The following POLM variants were observed in gnomAD, a reference collection of about 807,000 sequenced individuals.
The protein encoded by POLM is DNA polymerase mu.
POLM carries 52 observed loss-of-function variants against 56.7 expected under a neutral mutation model. The ratio of observed to expected loss-of-function variants is 0.92; its 90% CI spans 0.73 to 1.15. POLM has a LOEUF of 1.15. POLM is among the 50% of genes most tolerant of loss of function. The probability of loss-of-function intolerance (pLI) is 0.00; values close to 1 mark genes in which losing one functional copy is unlikely to be tolerated. For missense variants in POLM, 660 were observed against 663.6 expected (o/e 0.99, Z 0.06); for synonymous variants, 273 against 274.3 (o/e 1.00, Z 0.05).
intron 7 of POLM, 80 bp from the exon 8 acceptor site, chr7:44,074,313 G>A (rs1251488098): frequency 5.8e-6 from 9 of 1,542,946 alleles, no homozygotes; most frequent in Non-Finnish European, 7.9e-6. Context: ...CCAACGAGTG[G>A]GCCCGCTTCA....
At chr7:44,077,616 T>TC (rs2128801864) in intron 5 of POLM, among the ~76,000 whole-genome samples, 1 of 152,264 alleles carries the variant, frequency 6.6e-6, no homozygotes, top group African/African-American at 2.4e-5. Context: ...TCACACCACT[T>TC]CAAGGGGATT....
In POLM at chr7:44,073,373, G is replaced by A. The variant is rs1360997907; in HGVS notation, c.1403C>T (p.Thr468Ile). The A allele has an allele frequency of 3.7e-6, 6 of 1,613,896 alleles. No homozygotes were observed. The East Asian group carries it at 1.3e-4, about 36-fold the overall frequency. ...SHGLFDPEQK[T>I]FFQAASEEDI... is the part of the protein sequence containing the mutation. ...TTCCTCTGAAGCCGCTTGGAAAAAT[G>A]TCTTCTGCAACAGAAGCAGGACTTC... Residue 468 changes from threonine (T) to isoleucine (I), a missense_variant, in exon 11 of 11, where the codon ACA (threonine) becomes ATA (isoleucine). By Grantham distance (89) the Thr-to-Ile change is moderately conservative. Transcript: ENST00000242248.
rs1344887038 is a variant in POLM at position 44,073,998 on chromosome 7, G to T, written c.1099C>A (p.His367Asn). Residue 367 changes from histidine (H) to asparagine (N), a missense_variant, in exon 9 of 11, where the codon CAC becomes AAC. Coordinates refer to ENST00000242248, the MANE Select transcript of POLM (RefSeq NM_013284.4). ...CGGGTAGGGGACTCACAGCAGCTGTGCTGGTGCTGGTGGTACAGGATGAGG... is the reference window on the plus strand; with the variant it reads ...CGGGTAGGGGACTCACAGCAGCTGTTCTGGTGCTGGTGGTACAGGATGAGG... ...QGLILYHQHQHSCCESPTRLA... is the reference protein window; with the variant it reads ...QGLILYHQHQNSCCESPTRLA... 2 of 1,613,994 alleles carry T rather than the reference G, an allele frequency of 1.2e-6. No homozygotes were observed. Among genetic ancestry groups the T allele is most frequent in the Admixed American group, 3.3e-5 (2 of 60,012 alleles).
At chr7:44,079,478 C>A in intron 4 of POLM, 93 bp downstream of exon 4, 1 of 1,244,388 alleles carries the variant, frequency 8.0e-7, no homozygotes, top group Non-Finnish European at 1.1e-6. Flanking sequence ...GACTGTCTGT[C>A]CTCACCCACC....
At chr7:44,081,870 C>G (rs373670983) in intron 1 of POLM, among the ~76,000 whole-genome samples, 1 of 151,926 alleles carries the variant, frequency 6.6e-6, no homozygotes, top group African/African-American at 2.4e-5. Context: ...CTCAGCCTCC[C>G]GAGTAGCTGG....
At chr7:44,075,867 T>C (rs981215289) in intron 6 of POLM, 2 of 152,116 alleles carry the variant, frequency 1.3e-5, no homozygotes, top group African/African-American at 4.8e-5. Context: ...GCCTCATGAG[T>C]AGCTGGTACT....
At position 44,073,993 on chromosome 7, in the gene POLM, G is replaced by C; in HGVS notation, c.1104C>G (p.Ser368Arg). The change falls in exon 9 of 11, where the codon AGC (serine) becomes AGG (arginine). Residue 368 changes from serine to arginine, a missense_variant. Coordinates refer to ENST00000242248, the MANE Select transcript of POLM (RefSeq NM_013284.4). ...CCAGGCGGGTAGGGGACTCACAGCA[G>C]CTGTGCTGGTGCTGGTGGTACAGGA... ...GLILYHQHQH[S>R]CCESPTRLAQ... is the part of the protein sequence containing the mutation. 6.2e-7 allele frequency: 1 copy of C among 1,614,108 alleles called. No homozygotes were observed. Among genetic ancestry groups the C allele is most frequent in the Non-Finnish European group, 8.5e-7 (1 of 1,179,966 alleles).
intron 6 of POLM, 93 bp downstream of exon 6, chr7:44,076,415 AC>A: frequency 6.5e-7 from 1 of 1,531,506 alleles, no homozygotes; most frequent in South Asian, 1.2e-5. Context: ...AACCCTCTGC[AC>A]CAGACTGCTC....
chr7:44,080,341 G>C, intron 2 of POLM: 1 of 541,500 alleles, frequency 1.8e-6, no homozygotes, highest in Non-Finnish European at 3.5e-6. Flanking sequence ...TTTGAAGGCA[G>C]GCAACCTGGC....
intron 6 of POLM, among the ~76,000 whole-genome samples, chr7:44,075,357 G>T (rs1177267144): frequency 6.6e-6 from 1 of 152,228 alleles, no homozygotes; most frequent in African/African-American, 2.4e-5. Context: ...CCCAGCTAAG[G>T]AGAGGTTTAA....
chr7:44,076,741 G>C, intron 5 of POLM, 112 bp from the exon 6 acceptor site: 1 of 1,357,858 alleles, frequency 7.4e-7, no homozygotes. Context: ...GGCAGGCGCC[G>C]TCCCCACTCG....
chr7:44,081,413 C>G (rs977236398), intron 1 of POLM, among the ~76,000 whole-genome samples: 2 of 152,244 alleles, frequency 1.3e-5, no homozygotes, highest in Non-Finnish European at 2.9e-5. Context: ...ACACTCTAAG[C>G]TGCTATCATC....
At chr7:44,076,706 G>A in intron 5 of POLM, 77 bp from the exon 6 acceptor site, 1 of 1,571,082 alleles carries the variant, frequency 6.4e-7, no homozygotes, top group South Asian at 1.1e-5. Flanking sequence ...CCGGGACGGT[G>A]TGGCCCATGG....
chr7:44,078,793 C>T lies in POLM; in HGVS notation c.661G>A (p.Val221Met), dbSNP rs1289348251. The change falls in exon 5 of 11, where the codon GTG becomes ATG. Residue 221 changes from valine to methionine, a missense_variant. Coordinates refer to ENST00000242248, the MANE Select transcript of POLM (RefSeq NM_013284.4). ...CGAACTCTCTCCACCTCCTCACACACTCCATGCTCCAGCAGCTCCTGGGGG... is the reference window on the plus strand; with the variant it reads ...CGAACTCTCTCCACCTCCTCACACATTCCATGCTCCAGCAGCTCCTGGGGG... ...RVVQELLEHGVCEEVERVRRS... is the reference protein window; with the variant it reads ...RVVQELLEHGMCEEVERVRRS... 5.6e-6 allele frequency: 9 copies of T among 1,613,858 alleles called. No individual in the cohort carries two copies. Among genetic ancestry groups the T allele is most frequent in the African/African-American group, 5.3e-5 (4 of 74,938 alleles).
intron 6 of POLM, 146 bp downstream of exon 6, chr7:44,076,363 G>T: frequency 1.1e-6 from 1 of 922,868 alleles, no homozygotes; most frequent in Non-Finnish European, 1.6e-6. Flanking sequence ...TGACTGCACT[G>T]GGTGGAGACC....
rs758258974 is a variant in POLM at position 44,079,619 on chromosome 7, C to T, written c.594G>A (p.Gln198=). The change falls in exon 4 of 11, where the codon CAG becomes CAA. Residue 198 remains glutamine, a synonymous_variant. Transcript: ENST00000242248. ...CTCCAAAGTGGGGAAGCCCCTGCAG[C>T]TGGCTCAGGGTTGTGACAGGGCTGG... The part of the protein sequence containing the change: ...ALPSPVTTLS[Q]LQGLPHFGEH... The T allele has an allele frequency of 6.2e-7, 1 of 1,613,940 alleles. No homozygotes were observed. Among genetic ancestry groups the T allele is most frequent in the Non-Finnish European group, 8.5e-7 (1 of 1,180,002 alleles).
chr7:44,077,372 G>A (rs1240559913), intron 5 of POLM, among the ~76,000 whole-genome samples: 1 of 152,250 alleles, frequency 6.6e-6, no homozygotes, highest in African/African-American at 2.4e-5. Context: ...TTGTCCTGCA[G>A]ACCGGCCACA....
At position 44,073,826 on chromosome 7, in the gene POLM, A is replaced by G. The variant is rs1158767736; in HGVS notation, c.1271T>C (p.Val424Ala). 6.2e-7 allele frequency: 1 copy of G among 1,614,242 alleles called. No homozygotes were observed. Among genetic ancestry groups the G allele is most frequent in the South Asian group, 1.1e-5 (1 of 91,090 alleles). The change falls in exon 9 of 11, where the codon GTC (valine) becomes GCC (alanine). Residue 424 changes from valine to alanine, a missense_variant. Val to Ala is a moderately conservative substitution (Grantham distance 64). Transcript: ENST00000242248. ...AVRVDLVVAP[V>A]SQFPFALLGW... Reference sequence around the variant, plus strand: ...GAGCAGGGCGAAAGGGAACTGGCTGACGGGTGCAACTACCAAGTCCACTCT... The same window carrying G: ...GAGCAGGGCGAAAGGGAACTGGCTGGCGGGTGCAACTACCAAGTCCACTCT...
intron 1 of POLM, among the ~76,000 whole-genome samples, chr7:44,081,172 CTT>C (rs1251862197): frequency 6.6e-6 from 1 of 152,216 alleles, no homozygotes; most frequent in Non-Finnish European, 1.5e-5. Flanking sequence ...CTCCCTCCCT[CTT>C]CACCTCAAAG....
Sources: allele counts gnomAD v4.1 joint callset (sites outside exome capture counted in the v4.1 genomes callset), GRCh38; gene constraint gnomAD v4.1.1; transcripts MANE v1.5; gene names NCBI Gene and HGNC (gene_info 2026-07-23, HGNC 2026-07-21).